BACC1: variants seen among roughly 807,000 people sequenced by gnomAD.
BACC1 encodes the protein BPTF associated chromatin complex component 1.
the BACC1 span, chr17:7,016,100 A>C: frequency 1.8e-6 from 1 of 554,976 alleles, no homozygotes; most frequent in Non-Finnish European, 3.2e-6. Flanking sequence ...AGGTTGCCTG[A>C]GATGCTGTTA....
the BACC1 span, chr17:7,015,071 A>T: frequency 6.4e-7 from 1 of 1,556,952 alleles, no homozygotes. Context: ...GGTCGGAGAG[A>T]TCTTCTCGGC....
chr17:7,016,482 CTCTTT>C, the BACC1 span: 21 of 1,611,220 alleles, frequency 1.3e-5, no homozygotes, highest in Admixed American at 3.4e-5. Context: ...AACCTCTTCT[CTCTTT>C]TCTTCAGGGC....
At chr17:7,014,954 C>T in the BACC1 span, 1 of 1,463,298 alleles carries the variant, frequency 6.8e-7, no homozygotes, top group Non-Finnish European at 9.0e-7. This position sits in a 1 kb window ranked among gnomAD's most constrained non-coding sequence, Gnocchi z 4.5. Context: ...GCGGCTCTTC[C>T]GCCCCGGGCG....
At chr17:7,017,085 G>A in the BACC1 span, 78 of 1,533,804 alleles carry the variant, frequency 5.1e-5, no homozygotes, top group South Asian at 2.2e-4. Context: ...GGCAGGGCAC[G>A]GTCTCCGCAG....
chr17:7,016,509 C>T, the BACC1 span: 1 of 1,613,612 alleles, frequency 6.2e-7, no homozygotes, highest in Non-Finnish European at 8.5e-7. Context: ...CAGATAAAGG[C>T]CACTGTGAAA....
At chr17:7,015,626 C>T in the BACC1 span, 1 of 1,323,772 alleles carries the variant, frequency 7.6e-7, no homozygotes, top group Non-Finnish European at 1.0e-6. Flanking sequence ...CTTTCCGCCT[C>T]CCCTTACGGA....
the BACC1 span, chr17:7,015,085 C>A: frequency 4.5e-5 from 70 of 1,566,418 alleles, no homozygotes; most frequent in Non-Finnish European, 5.3e-5. Context: ...TCTCGGCGGC[C>A]GGCGCCGCCT....
chr17:7,016,862 G>C, the BACC1 span: 1 of 1,570,280 alleles, frequency 6.4e-7, no homozygotes, highest in Non-Finnish European at 8.8e-7. Flanking sequence ...GGGGCTGGGG[G>C]AGAGGCTGTC....
the BACC1 span, chr17:7,016,428 C>G: frequency 6.5e-7 from 1 of 1,547,430 alleles, no homozygotes. Context: ...ACCCCTTCCC[C>G]TCCCGTCCCC....
chr17:7,017,459 A>G, the BACC1 span: 3 of 780,088 alleles, frequency 3.8e-6, no homozygotes, highest in Non-Finnish European at 6.9e-6. Flanking sequence ...TCTGCCCCCA[A>G]CCCCTTTGAC....
the BACC1 span, chr17:7,016,778 C>T: frequency 5.2e-6 from 8 of 1,527,890 alleles, no homozygotes; most frequent in Non-Finnish European, 7.2e-6. Context: ...GTCAGTCTCT[C>T]TTCCTGTCCC....
At chr17:7,017,379 C>G in the BACC1 span, 1 of 1,506,468 alleles carries the variant, frequency 6.6e-7, no homozygotes, top group Non-Finnish European at 9.2e-7. Flanking sequence ...CCTGGGACTC[C>G]GAGCAAGGCC....
chr17:7,016,848 G>A, the BACC1 span: 1 of 1,556,724 alleles, frequency 6.4e-7, no homozygotes, highest in Non-Finnish European at 8.9e-7. Flanking sequence ...GCTTTGGGAA[G>A]CTTGGGGCTG....
the BACC1 span, chr17:7,015,495 G>C: frequency 6.6e-6 from 9 of 1,370,760 alleles, no homozygotes; most frequent in Non-Finnish European, 8.4e-6. Flanking sequence ...CTGGCGAGTT[G>C]GTTTCAGTGT....
the BACC1 span, chr17:7,015,723 C>T: frequency 8.4e-6 from 13 of 1,540,578 alleles, no homozygotes; most frequent in South Asian, 1.4e-4. Flanking sequence ...TGTGGGCGGG[C>T]TCCACACCCC....
At chr17:7,015,392 C>T in the BACC1 span, 9 of 1,373,114 alleles carry the variant, frequency 6.6e-6, no homozygotes, top group African/African-American at 1.0e-4. Flanking sequence ...ACGGGTCGAC[C>T]ACAAACCACC....
At chr17:7,015,303 G>A in the BACC1 span, 1,390 of 1,386,798 alleles carry the variant, frequency 1.0e-3, 5 homozygotes, top group Middle Eastern at 3.5e-3. Context: ...ATGATCGTTG[G>A]GTGAGGGAAT....
At chr17:7,015,172 C>G in the BACC1 span, 1 of 1,561,638 alleles carries the variant, frequency 6.4e-7, no homozygotes, top group South Asian at 1.2e-5. Flanking sequence ...TGAGCCCGGA[C>G]TGGGACGTGG....
At chr17:7,016,298 G>A in the BACC1 span, 1 of 603,340 alleles carries the variant, frequency 1.7e-6, no homozygotes, top group Non-Finnish European at 2.9e-6. Flanking sequence ...CCACTACTCA[G>A]TTCAGGGACT....
Sources: allele counts gnomAD v4.1 joint callset, GRCh38; gene constraint gnomAD v4.1.1; non-coding constraint Gnocchi (gnomAD v3.1); transcripts MANE v1.5; gene names NCBI Gene and HGNC (gene_info 2026-07-23, HGNC 2026-07-21).